The following NEK5 variants were observed in gnomAD, a reference collection of about 807,000 sequenced individuals.
The protein encoded by NEK5 is serine/threonine-protein kinase Nek5.
In NEK5, 88 loss-of-function variants were observed where a neutral mutation model predicts 109.2. That is an observed-to-expected ratio of 0.81 (90% CI 0.68 to 0.96). The LOEUF is 0.96. Ranked by LOEUF, NEK5 falls within the 40% of genes least tolerant of loss-of-function variation. NEK5 has a pLI of 0.00. For synonymous variants in NEK5, 283 were observed against 299.9 expected (o/e 0.94, Z 0.58); for missense variants, 834 against 920.7 (o/e 0.91, Z 1.22).
intron 20 of NEK5, among the ~76,000 whole-genome samples, chr13:52,066,840 A>G (rs1378627257): frequency 6.6e-6 from 1 of 151,226 alleles, no homozygotes; most frequent in Non-Finnish European, 1.5e-5. Flanking sequence ...CTTTTATTTC[A>G]TTTTCTAATG....
At chr13:52,052,867 G>C (rs1954520418) in intron 22 of NEK5, among the ~76,000 whole-genome samples, 2 of 151,612 alleles carry the variant, frequency 1.3e-5, no homozygotes, top group African/African-American at 4.9e-5. Flanking sequence ...TTTTTTTCCA[G>C]CAAACAATAG....
intron 17 of NEK5, among the ~76,000 whole-genome samples, chr13:52,080,216 G>C (rs1408496197): frequency 5.4e-5 from 6 of 111,304 alleles, no homozygotes; most frequent in Admixed American, 1.8e-4. Context: ...GAGGGAGGTG[G>C]GGGGGGGTCA....
intron 12 of NEK5, among the ~76,000 whole-genome samples, chr13:52,095,523 T>A (rs1485093930): frequency 6.6e-6 from 1 of 152,266 alleles, no homozygotes; most frequent in Non-Finnish European, 1.5e-5. Flanking sequence ...CTTTTAGATG[T>A]GTTTTCCCTT....
chr13:52,126,471 TA>T (rs1327548885), intron 3 of NEK5, among the ~76,000 whole-genome samples: 2 of 152,176 alleles, frequency 1.3e-5, no homozygotes, highest in Non-Finnish European at 2.9e-5. Flanking sequence ...CAGAGCATTA[TA>T]CATGCTAGTA....
In NEK5 at chr13:52,087,417, T is replaced by A; in HGVS notation, c.1313A>T (p.Gln438Leu). Residue 438 changes from glutamine to leucine, a missense_variant, in exon 15 of 24, where the codon CAG (glutamine) becomes CTG (leucine). Coordinates refer to ENST00000684899, the MANE Select transcript of NEK5 (RefSeq NM_001365552.1). Reference sequence around the variant, plus strand: ...TCCATTACTTCTTAGCTCTTGTCTCTGGTTGTAATTTGGCTCGGCAGAAGA... The same window carrying A: ...TCCATTACTTCTTAGCTCTTGTCTCAGGTTGTAATTTGGCTCGGCAGAAGA... ...RPSSAEPNYN[Q>L]RQELRSNGEE... The A allele has an allele frequency of 1.2e-6, 2 of 1,611,436 alleles. No homozygotes were observed. The highest frequency in any genetic ancestry group is 1.7e-6 in the Non-Finnish European group (2 of 1,178,014).
At chr13:52,092,533 G>A (rs762901633) in intron 13 of NEK5, among the ~76,000 whole-genome samples, 1 of 151,924 alleles carries the variant, frequency 6.6e-6, no homozygotes, top group South Asian at 2.1e-4. Flanking sequence ...CCTGGTGAGA[G>A]GGTACCTGAG....
intron 22 of NEK5, among the ~76,000 whole-genome samples, chr13:52,060,597 C>T (rs559343337): frequency 1.3e-5 from 2 of 152,302 alleles, no homozygotes; most frequent in Admixed American, 6.5e-5. Context: ...CCACCTGCCT[C>T]GGCCTCCCAA....
At position 52,036,270 on chromosome 13, in the gene NEK5, T is replaced by C. The variant is rs1954360891; in HGVS notation, c.*678A>G. ...CCTCTTCCACTTGTAAGGACCCTTG[T>C]GATTACACTGCACCCAGGTGGATAA... On this transcript the variant is annotated 3_prime_UTR_variant, in exon 24 of 24. Coordinates refer to ENST00000684899, the MANE Select transcript of NEK5 (RefSeq NM_001365552.1). 1 of 152,254 alleles carries C rather than the reference T, an allele frequency of 6.6e-6. No individual in the cohort carries two copies. The highest frequency in any genetic ancestry group is 6.5e-5 in the Admixed American group (1 of 15,282). The allele number at this position is 152,254 out of a possible 1,614,324, so 9.4% of individuals were successfully genotyped here.
At chr13:52,116,901 C>A (rs553071497) in intron 4 of NEK5, among the ~76,000 whole-genome samples, 3 of 152,046 alleles carry the variant, frequency 2.0e-5, no homozygotes, top group African/African-American at 4.8e-5. Flanking sequence ...TTGCTTCAAA[C>A]CAATAAAAAC....
intron 12 of NEK5, among the ~76,000 whole-genome samples, chr13:52,097,540 A>G (rs963912544): frequency 6.6e-6 from 1 of 152,198 alleles, no homozygotes; most frequent in African/African-American, 2.4e-5. Flanking sequence ...TTGAATTTGC[A>G]TGGGGTCTAT....
chr13:52,083,393 A>C (rs1441353169), intron 16 of NEK5, 41 bp from the exon 17 acceptor site: 1 of 1,299,012 alleles, frequency 7.7e-7, no homozygotes, highest in East Asian at 2.3e-5. Flanking sequence ...ATTGGTTCTG[A>C]GTGAGCTCTG....
chr13:52,111,472 G>A (rs1955757258), intron 5 of NEK5, among the ~76,000 whole-genome samples: 2 of 152,116 alleles, frequency 1.3e-5, no homozygotes, highest in African/African-American at 4.8e-5. Flanking sequence ...TAATCTTACA[G>A]AAGTTAGAGA....
chr13:52,052,045 C>A (rs4261421), intron 22 of NEK5, among the ~76,000 whole-genome samples: 84,263 of 151,594 alleles, frequency 0.56, 26,237 homozygotes, highest in Non-Finnish European at 0.7. Flanking sequence ...GACTCAAAAG[C>A]ATGCAAACTT....
chr13:52,056,031 G>A (rs1033396411), intron 22 of NEK5, among the ~76,000 whole-genome samples: 1 of 141,232 alleles, frequency 7.1e-6, no homozygotes, highest in Non-Finnish European at 1.6e-5. Flanking sequence ...AGACCCATCA[G>A]TGTGCTGTAT....
chr13:52,063,632 A>G lies in NEK5; in HGVS notation c.1976-1679T>C, dbSNP rs1482977451. Among the ~76,000 whole-genome samples the G allele has an allele frequency of 6.5e-5, 9 of 138,466 alleles. No homozygotes were observed. In the South Asian group the frequency reaches 6.9e-4, roughly 11 times the overall value. The allele number at this position is 138,466 out of a possible 152,430, so 90.8% of individuals were successfully genotyped here. A position where few individuals can be genotyped will look rare whatever the true frequency, so the allele number is the denominator to read the frequency against. On this transcript the variant is annotated intron_variant, in intron 21 of 23. Coordinates refer to ENST00000684899, the MANE Select transcript of NEK5 (RefSeq NM_001365552.1). ...CCATCCCATCTAGGAAGTGAGGAGC[A>G]TCTCTGCCCGGCCACCCATCGTCTG...
At chr13:52,092,628 G>A (rs1367502184) in intron 13 of NEK5, among the ~76,000 whole-genome samples, 2 of 152,202 alleles carry the variant, frequency 1.3e-5, no homozygotes, top group Non-Finnish European at 2.9e-5. Context: ...GCTCATGCCT[G>A]TAATCCCAGC....
At chr13:52,042,127 C>A (rs888294949) in intron 23 of NEK5, among the ~76,000 whole-genome samples, 2 of 151,798 alleles carry the variant, frequency 1.3e-5, no homozygotes, top group African/African-American at 4.8e-5. Flanking sequence ...TAGTTGTCAA[C>A]CTAAAATTAT....
At chr13:52,056,124 C>CA (rs918497004) in intron 22 of NEK5, among the ~76,000 whole-genome samples, 10 of 143,216 alleles carry the variant, frequency 7.0e-5, no homozygotes, top group Non-Finnish European at 1.4e-4. Flanking sequence ...AAATGGAAAA[C>CA]AAAAAAAGGC....
chr13:52,087,854 T>C (rs1421756363), intron 14 of NEK5, among the ~76,000 whole-genome samples: 1 of 151,906 alleles, frequency 6.6e-6, no homozygotes, highest in Non-Finnish European at 1.5e-5. Flanking sequence ...CTCAATCTCC[T>C]GACCTCGTGA....
Sources: gnomAD v4.1 joint callset for allele counts (sites outside exome capture counted in the v4.1 genomes callset) on GRCh38, gnomAD v4.1.1 for gene constraint, MANE v1.5 for transcripts, NCBI Gene and HGNC (gene_info 2026-07-23, HGNC 2026-07-21) for gene names.